Variants in ZBTB20 observed in about 807,000 individuals in gnomAD.
ZBTB20 encodes zinc finger and BTB domain containing 20, also known as zinc finger and BTB domain-containing protein 20.
A neutral mutation model predicts 56.9 loss-of-function variants in ZBTB20; 9 were observed. The observed-to-expected ratio is 0.16, with a 90% CI of 0.10 to 0.28. The LOEUF is 0.28. Ranked by LOEUF, ZBTB20 falls within the 10% of genes least tolerant of loss-of-function variation. The pLI is 1.00. For synonymous variants in ZBTB20, 417 were observed against 420.7 expected (o/e 0.99, Z 0.11); for missense variants, 655 against 1,003.0 (o/e 0.65, Z 4.69).
At chr3:114,713,632 A>C (rs2064249984) in intron 5 of ZBTB20, among the ~76,000 whole-genome samples, 1 of 152,176 alleles carries the variant, frequency 6.6e-6, no homozygotes, top group Non-Finnish European at 1.5e-5. Flanking sequence ...TAGAGTCTGA[A>C]AAACACTGCA....
chr3:114,409,390 C>G (rs1032481650), intron 7 of ZBTB20, among the ~76,000 whole-genome samples: 6 of 151,860 alleles, frequency 4.0e-5, no homozygotes, highest in African/African-American at 1.5e-4. Flanking sequence ...TTAAAAATAG[C>G]CAATCGATTT....
intron 7 of ZBTB20, chr3:114,453,700 A>G (rs2091785091): frequency 6.6e-6 from 1 of 152,108 alleles, no homozygotes; most frequent in African/African-American, 2.4e-5. Flanking sequence ...GGAAAGATTA[A>G]AAGAGGAGAA....
chr3:114,422,463 C>T lies in ZBTB20; in HGVS notation c.-254-33358G>A, dbSNP rs145594816. Among the ~76,000 whole-genome samples, 499 of 152,204 alleles carry T rather than the reference C, an allele frequency of 3.3e-3. 2 individuals are homozygous for T. The highest frequency in any genetic ancestry group is 0.012 in the African/African-American group (479 of 41,532). Reference sequence around the variant, plus strand: ...AATTTGACATGGAATATGAATTTTCCCTCAATTCAGCTGATAAGATTGTAA... The same window carrying T: ...AATTTGACATGGAATATGAATTTTCTCTCAATTCAGCTGATAAGATTGTAA... On this transcript the variant is annotated intron_variant, in intron 7 of 11. Transcript: ENST00000675478.
chr3:114,913,587 A>C (rs2075626888), intron 3 of ZBTB20, among the ~76,000 whole-genome samples: 1 of 151,164 alleles, frequency 6.6e-6, no homozygotes, highest in African/African-American at 2.4e-5. Context: ...TTTTAGTTTG[A>C]TGTGATCCCA....
intron 7 of ZBTB20, among the ~76,000 whole-genome samples, chr3:114,498,558 C>T (rs558311517): frequency 1.2e-4 from 18 of 152,130 alleles, no homozygotes; most frequent in Non-Finnish European, 2.1e-4. Context: ...GTCATAAGCC[C>T]GGTCACCCTG....
intron 4 of ZBTB20, among the ~76,000 whole-genome samples, chr3:114,854,083 C>T (rs1251025300): frequency 2.0e-5 from 3 of 152,070 alleles, no homozygotes; most frequent in Non-Finnish European, 4.4e-5. Flanking sequence ...TTCTTAAGTT[C>T]TTTCTGTTAC....
At chr3:114,994,028 T>C (rs571205674) in intron 2 of ZBTB20, among the ~76,000 whole-genome samples, 40 of 151,880 alleles carry the variant, frequency 2.6e-4, no homozygotes, top group African/African-American at 8.9e-4. Context: ...ATTCAACCCA[T>C]AGTAAAACTT....
chr3:115,124,531 G>A (rs773026176), intron 1 of ZBTB20, among the ~76,000 whole-genome samples: 7 of 152,086 alleles, frequency 4.6e-5, no homozygotes, highest in Non-Finnish European at 1.0e-4. Flanking sequence ...CGACCTTTAA[G>A]AAAAAGATAA....
intron 1 of ZBTB20, among the ~76,000 whole-genome samples, chr3:115,144,193 A>T (rs1373372675): frequency 6.6e-6 from 1 of 152,156 alleles, no homozygotes; most frequent in Non-Finnish European, 1.5e-5. Flanking sequence ...GATTCTGTGA[A>T]GTTATTCAAA....
intron 4 of ZBTB20, among the ~76,000 whole-genome samples, chr3:114,813,987 T>G (rs754766204): frequency 2.7e-4 from 41 of 152,120 alleles, no homozygotes; most frequent in Non-Finnish European, 4.6e-4. Context: ...TATCCTTTGT[T>G]GCTAATGAAA....
intron 1 of ZBTB20, among the ~76,000 whole-genome samples, chr3:115,093,850 G>C (rs184184739): frequency 4.0e-4 from 61 of 152,300 alleles, no homozygotes; most frequent in South Asian, 3.9e-3. Flanking sequence ...ACTGGAATCT[G>C]TCTTGGAGTG....
At chr3:114,921,818 C>G (rs961699009) in intron 3 of ZBTB20, among the ~76,000 whole-genome samples, 2 of 151,932 alleles carry the variant, frequency 1.3e-5, no homozygotes, top group Non-Finnish European at 2.9e-5. Flanking sequence ...GCATATGTAA[C>G]AAACCTGCAC....
chr3:114,364,557 T>A (rs913467868), intron 10 of ZBTB20, among the ~76,000 whole-genome samples: 2 of 152,198 alleles, frequency 1.3e-5, no homozygotes. Flanking sequence ...ATTGTCTTAC[T>A]AGCTGAGCTT....
At chr3:114,476,939 C>G (rs899395793) in intron 7 of ZBTB20, among the ~76,000 whole-genome samples, 4 of 152,188 alleles carry the variant, frequency 2.6e-5, no homozygotes, top group Non-Finnish European at 5.9e-5. Context: ...GCTGCTGATG[C>G]TTTCTCAGCT....
chr3:114,424,690 C>G (rs1159573543), intron 7 of ZBTB20, among the ~76,000 whole-genome samples: 1 of 152,174 alleles, frequency 6.6e-6, no homozygotes, highest in Non-Finnish European at 1.5e-5. Flanking sequence ...CACGATCTTA[C>G]AGTTGTAGTT....
chr3:114,435,162 G>A, intron 7 of ZBTB20, among the ~76,000 whole-genome samples: 1 of 152,010 alleles, frequency 6.6e-6, no homozygotes. Flanking sequence ...ATTAATCTGT[G>A]GAGTATCCAG....
At chr3:114,840,731 T>A (rs1202013708) in intron 4 of ZBTB20, among the ~76,000 whole-genome samples, 20 of 152,044 alleles carry the variant, frequency 1.3e-4, no homozygotes, top group Admixed American at 1.2e-3. Flanking sequence ...ATCCCTGACA[T>A]TAAAACAGAC....
At chr3:114,672,153 T>G (rs996437738) in intron 6 of ZBTB20, among the ~76,000 whole-genome samples, 1 of 152,174 alleles carries the variant, frequency 6.6e-6, no homozygotes, top group African/African-American at 2.4e-5. Context: ...AAATGGAATA[T>G]TAAATTGAAA....
At chr3:114,443,470 G>A (rs1375797361) in intron 7 of ZBTB20, among the ~76,000 whole-genome samples, 1 of 152,194 alleles carries the variant, frequency 6.6e-6, no homozygotes, top group Admixed American at 6.6e-5. Context: ...ATTTTACAAT[G>A]TATGTGGGTC....
Sources: allele counts gnomAD v4.1 joint callset (sites outside exome capture counted in the v4.1 genomes callset), GRCh38; gene constraint gnomAD v4.1.1; transcripts MANE v1.5; gene names NCBI Gene and HGNC (gene_info 2026-07-23, HGNC 2026-07-21).